EYA1: variants seen among roughly 807,000 people sequenced by gnomAD.
EYA1 encodes protein phosphatase EYA1.
In EYA1, 16 loss-of-function variants were observed where a neutral mutation model predicts 82.0. That is an observed-to-expected ratio of 0.20 (90% CI 0.13 to 0.30). EYA1 has a LOEUF of 0.30. EYA1 is among the 10% of genes least tolerant of loss of function. The pLI is 1.00. For missense variants in EYA1, 633 were observed against 730.7 expected, an observed-to-expected ratio of 0.87 and a Z score of 1.54; for synonymous variants, 261 against 264.4, an observed-to-expected ratio of 0.99 and a Z score of 0.12.
chr8:71,345,054 A>C (rs1825554644), intron 3 of EYA1, among the ~76,000 whole-genome samples: 2 of 152,234 alleles, frequency 1.3e-5, no homozygotes, highest in Admixed American at 1.3e-4. Flanking sequence ...GGAGGAGAAT[A>C]TATCTTTTCC....
At position 71,391,689 on chromosome 8, in the gene EYA1, A is replaced by G. The variant is rs1287095053; in HGVS notation, c.34-35178T>C. Among the ~76,000 whole-genome samples, 4 of 152,224 alleles carry G rather than the reference A, an allele frequency of 2.6e-5. No individual in the cohort carries two copies. In the East Asian group the frequency reaches 7.7e-4, roughly 29 times the overall value. ...TTCTTGGCATGGTAGTTCAATTGTC[A>G]GTTCAGATTTCAAAGCCTTTGCTAT... On this transcript the variant is annotated intron_variant, in intron 2 of 18. Transcript: ENST00000643681.
intron 2 of EYA1, among the ~76,000 whole-genome samples, chr8:71,487,946 G>A (rs573674571): frequency 5.9e-5 from 9 of 152,220 alleles, no homozygotes; most frequent in East Asian, 1.9e-4. Context: ...AGGAGCAGCA[G>A]TTCAATTCCT....
intron 2 of EYA1, among the ~76,000 whole-genome samples, chr8:71,413,550 A>C (rs774051491): frequency 2.0e-5 from 3 of 152,206 alleles, no homozygotes; most frequent in Non-Finnish European, 2.9e-5. Flanking sequence ...TTGCATTGGA[A>C]ATTTACTTCA....
chr8:71,437,827 A>G (rs1806121406), intron 2 of EYA1, among the ~76,000 whole-genome samples: 1 of 152,136 alleles, frequency 6.6e-6, no homozygotes, highest in Non-Finnish European at 1.5e-5. Context: ...AAAAAATGAC[A>G]TAGGAGTTCT....
At chr8:71,497,897 C>A (rs1165656148) in intron 2 of EYA1, among the ~76,000 whole-genome samples, 1 of 152,094 alleles carries the variant, frequency 6.6e-6, no homozygotes, top group Admixed American at 6.5e-5. Context: ...GAAATCCTGT[C>A]ATTTGCGAGA....
intron 9 of EYA1, among the ~76,000 whole-genome samples, chr8:71,278,085 C>T (rs61313137): frequency 0.088 from 13,381 of 152,124 alleles, 1,048 homozygotes; most frequent in East Asian, 0.43. Context: ...AAGTTACTTC[C>T]ATTTTTTCCT....
intron 3 of EYA1, among the ~76,000 whole-genome samples, chr8:71,354,051 G>T (rs1367977194): frequency 6.6e-6 from 1 of 151,968 alleles, no homozygotes; most frequent in Admixed American, 6.6e-5. Context: ...CTGTATAACA[G>T]GTAGCAAAAA....
intron 2 of EYA1, among the ~76,000 whole-genome samples, chr8:71,420,660 A>T (rs1444053848): frequency 2.0e-5 from 3 of 152,130 alleles, no homozygotes; most frequent in Non-Finnish European, 2.9e-5. Flanking sequence ...GTCATGAGGG[A>T]CCCATTAACA....
chr8:71,471,522 T>A (rs1809209441), intron 2 of EYA1, among the ~76,000 whole-genome samples: 1 of 152,068 alleles, frequency 6.6e-6, no homozygotes, highest in South Asian at 2.1e-4. Context: ...TCAGCTAAAT[T>A]AAACCTGGGA....
intron 12 of EYA1, chr8:71,225,101 T>C (rs1810399471): frequency 3.5e-6 from 1 of 288,730 alleles, no homozygotes; most frequent in African/African-American, 2.2e-5. Context: ...TGCGTGTTTT[T>C]CTCTGTAAAG....
intron 2 of EYA1, among the ~76,000 whole-genome samples, chr8:71,477,698 A>G (rs1809777923): frequency 6.6e-6 from 1 of 152,126 alleles, no homozygotes; most frequent in East Asian, 1.9e-4. Context: ...GGGTTATTCT[A>G]CCATATGGCT....
At chr8:71,525,359 T>G (rs1399157757) in intron 2 of EYA1, among the ~76,000 whole-genome samples, 1 of 152,210 alleles carries the variant, frequency 6.6e-6, no homozygotes, top group Non-Finnish European at 1.5e-5. Flanking sequence ...ATTTATGTCG[T>G]TTGAATTTGG....
chr8:71,538,064 A>G (rs1437401053), intron 1 of EYA1, among the ~76,000 whole-genome samples: 1 of 152,208 alleles, frequency 6.6e-6, no homozygotes, highest in Non-Finnish European at 1.5e-5. Flanking sequence ...CAAATCCTCC[A>G]GTGCTTGCTA....
At chr8:71,531,971 G>A (rs1814315186) in intron 2 of EYA1, among the ~76,000 whole-genome samples, 1 of 152,130 alleles carries the variant, frequency 6.6e-6, no homozygotes. Flanking sequence ...TTTCTACTCA[G>A]GGTCATGTCT....
intron 2 of EYA1, among the ~76,000 whole-genome samples, chr8:71,400,454 A>G (rs1028427137): frequency 6.6e-6 from 1 of 152,070 alleles, no homozygotes; most frequent in Admixed American, 6.6e-5. Flanking sequence ...TTACAAGAAA[A>G]AAAAACATTA....
At chr8:71,368,691 AT>A (rs1366880120) in intron 2 of EYA1, among the ~76,000 whole-genome samples, 3 of 152,084 alleles carry the variant, frequency 2.0e-5, no homozygotes, top group Non-Finnish European at 2.9e-5. Context: ...AGAAAATTGT[AT>A]TTGATAAACC....
chr8:71,490,487 A>C (rs1480070431), intron 2 of EYA1, among the ~76,000 whole-genome samples: 1 of 152,238 alleles, frequency 6.6e-6, no homozygotes, highest in African/African-American at 2.4e-5. Flanking sequence ...AAATAAGTAG[A>C]AAATTTGTTG....
chr8:71,331,904 G>T (rs1373496455), intron 4 of EYA1, among the ~76,000 whole-genome samples: 1 of 152,156 alleles, frequency 6.6e-6, no homozygotes, highest in Non-Finnish European at 1.5e-5. Flanking sequence ...CTGAAGTGCA[G>T]TGGTGCAATC....
intron 3 of EYA1, among the ~76,000 whole-genome samples, chr8:71,338,794 C>T (rs1824792882): frequency 6.6e-6 from 1 of 152,236 alleles, no homozygotes; most frequent in Non-Finnish European, 1.5e-5. Context: ...ATTCACGCTG[C>T]AACGCGCAGG....
Sources: allele counts gnomAD v4.1 joint callset (sites outside exome capture counted in the v4.1 genomes callset), GRCh38; gene constraint gnomAD v4.1.1; transcripts MANE v1.5; gene names NCBI Gene and HGNC (gene_info 2026-07-23, HGNC 2026-07-21).